KCNG3: variants seen among roughly 807,000 people sequenced by gnomAD.
KCNG3 encodes the protein potassium voltage-gated channel modifier subfamily G member 3.
KCNG3 carries 15 observed loss-of-function variants against 29.0 expected under a neutral mutation model. That is an observed-to-expected ratio of 0.52 (90% CI 0.35 to 0.80). The LOEUF (loss-of-function observed/expected upper bound fraction) is 0.80, where lower values mean the gene tolerates loss of function less well. Among genes scored for constraint, KCNG3 ranks in the 30% least tolerant of loss-of-function variants. The probability of loss-of-function intolerance (pLI) is 0.01; values close to 1 mark genes in which losing one functional copy is unlikely to be tolerated. For synonymous variants in KCNG3, 322 were observed against 248.9 expected, an observed-to-expected ratio of 1.29 and a Z score of -2.76; for missense variants, 512 against 605.7, an observed-to-expected ratio of 0.85 and a Z score of 1.62.
At chr2:42,474,243 T>C (rs1375542797) in intron 1 of KCNG3, among the ~76,000 whole-genome samples, 1 of 151,960 alleles carries the variant, frequency 6.6e-6, no homozygotes, top group Non-Finnish European at 1.5e-5. Context: ...AAAAACACTG[T>C]TCGGCCAGGC....
chr2:42,479,147 C>T (rs953301007), intron 1 of KCNG3, among the ~76,000 whole-genome samples: 1 of 152,064 alleles, frequency 6.6e-6, no homozygotes, highest in African/African-American at 2.4e-5. Context: ...TCTCCTGAAT[C>T]CCAGTTTTGA....
At chr2:42,403,621 CTTTTTTTTT>C in the KCNG3 span, among the ~76,000 whole-genome samples, 2 of 134,406 alleles carry the variant, frequency 1.5e-5, no homozygotes, top group Middle Eastern at 3.7e-3. Flanking sequence ...ACTTTTTTTT[CTTTTTTTTT>C]TTTTTTGTAT....
intron 1 of KCNG3, among the ~76,000 whole-genome samples, chr2:42,459,120 C>T (rs1000222898): frequency 6.6e-6 from 1 of 150,550 alleles, no homozygotes; most frequent in Admixed American, 6.7e-5. Flanking sequence ...CGCTTGAACC[C>T]GGGATGTGGA....
intron 1 of KCNG3, among the ~76,000 whole-genome samples, chr2:42,491,305 T>A (rs1465729929): frequency 6.6e-6 from 1 of 151,996 alleles, no homozygotes; most frequent in Non-Finnish European, 1.5e-5. Flanking sequence ...ACACCCTCCC[T>A]CCCCCTAAGA....
chr2:42,477,151 C>T (rs1673447024), intron 1 of KCNG3, among the ~76,000 whole-genome samples: 1 of 145,206 alleles, frequency 6.9e-6, no homozygotes, highest in East Asian at 2.1e-4. Context: ...GAGATTACGC[C>T]ACTGCACTCC....
chr2:42,485,216 A>G (rs1572865969), intron 1 of KCNG3, among the ~76,000 whole-genome samples: 1 of 152,350 alleles, frequency 6.6e-6, no homozygotes, highest in Middle Eastern at 3.4e-3. Context: ...CCAATTAAAG[A>G]TCAAAATTCC....
chr2:42,438,419 G>A (rs1176088960), downstream of KCNG3, among the ~76,000 whole-genome samples: 1 of 152,106 alleles, frequency 6.6e-6, no homozygotes, highest in African/African-American at 2.4e-5. Context: ...GTACATCAAA[G>A]CACTCCTTCA....
chr2:42,490,130 C>T (rs1257456196), intron 1 of KCNG3, among the ~76,000 whole-genome samples: 1 of 152,198 alleles, frequency 6.6e-6, no homozygotes, highest in Non-Finnish European at 1.5e-5. Context: ...CTCTATCCAC[C>T]TCTCACTCCA....
At chr2:42,481,074 C>A (rs901938919) in intron 1 of KCNG3, among the ~76,000 whole-genome samples, 1 of 152,198 alleles carries the variant, frequency 6.6e-6, no homozygotes, top group Non-Finnish European at 1.5e-5. Flanking sequence ...AGCCACTGCG[C>A]CTGGCCAAAA....
the KCNG3 span, among the ~76,000 whole-genome samples, chr2:42,393,548 G>A: frequency 8.6e-5 from 13 of 151,782 alleles, no homozygotes; most frequent in African/African-American, 2.9e-4. Flanking sequence ...GCAATAGAGT[G>A]AGACTCTGTC....
At chr2:42,465,312 G>A (rs950826813) in intron 1 of KCNG3, among the ~76,000 whole-genome samples, 1 of 151,740 alleles carries the variant, frequency 6.6e-6, no homozygotes, top group African/African-American at 2.4e-5. Context: ...TACCTCCCAG[G>A]CTCAGGTGAT....
the KCNG3 span, among the ~76,000 whole-genome samples, chr2:42,433,736 TCAAAA>T: frequency 7.2e-5 from 11 of 152,038 alleles, 1 homozygote; most frequent in South Asian, 1.9e-3. Flanking sequence ...AAACTCTGTC[TCAAAA>T]CAAAACAAAA....
chr2:42,443,623 T>C lies in KCNG3; in HGVS notation c.*311A>G. ...GGAAAAACATTTGGAAAATAGTACC[T>C]TTCTGTTTTAAAATGTTCAAATAAT... On this transcript the variant is annotated 3_prime_UTR_variant, in exon 2 of 2. Coordinates refer to ENST00000306078, the MANE Select transcript of KCNG3 (RefSeq NM_133329.6). The C allele has an allele frequency of 9.0e-6, 2 of 222,316 alleles. No individual in the cohort carries two copies. The highest frequency in any genetic ancestry group is 1.7e-5 in the Non-Finnish European group (2 of 114,514). 13.8% of individuals were successfully genotyped at this position (222,316 alleles called of 1,614,324 possible).
intron 1 of KCNG3, chr2:42,464,113 A>G (rs1452388807): frequency 4.9e-6 from 1 of 203,526 alleles, no homozygotes; most frequent in Non-Finnish European, 9.9e-6. Context: ...TCATTCTGAT[A>G]TCATTATTTG....
chr2:42,459,845 G>A (rs757936822), intron 1 of KCNG3, among the ~76,000 whole-genome samples: 4 of 151,944 alleles, frequency 2.6e-5, no homozygotes, highest in South Asian at 2.1e-4. Flanking sequence ...GCATGGTGGC[G>A]GACACCTGTA....
chr2:42,426,936 G>T, the KCNG3 span, among the ~76,000 whole-genome samples: 2 of 152,070 alleles, frequency 1.3e-5, no homozygotes, highest in Non-Finnish European at 2.9e-5. Context: ...AGAAAGTGAG[G>T]TATAACTTTA....
intron 1 of KCNG3, among the ~76,000 whole-genome samples, chr2:42,466,573 T>C (rs1673145519): frequency 2.0e-5 from 3 of 152,098 alleles, no homozygotes; most frequent in African/African-American, 7.2e-5. Context: ...CAGTACCATC[T>C]AGGTTTGTGT....
intron 1 of KCNG3, among the ~76,000 whole-genome samples, chr2:42,473,024 C>G (rs1430578461): frequency 6.6e-6 from 1 of 151,080 alleles, no homozygotes; most frequent in Non-Finnish European, 1.5e-5. Flanking sequence ...GCCTCAGCCT[C>G]CCAAGTAGCT....
chr2:42,488,650 A>G (rs1419162996), intron 1 of KCNG3, among the ~76,000 whole-genome samples: 1 of 151,736 alleles, frequency 6.6e-6, no homozygotes, highest in Non-Finnish European at 1.5e-5. Context: ...CCCAGGTTCA[A>G]GTGATTCTCC....
Sources: allele counts gnomAD v4.1 joint callset (sites outside exome capture counted in the v4.1 genomes callset), GRCh38; gene constraint gnomAD v4.1.1; transcripts MANE v1.5; gene names NCBI Gene and HGNC (gene_info 2026-07-23, HGNC 2026-07-21).